RNF213: variants seen among roughly 807,000 people sequenced by gnomAD.
RNF213 encodes E3 ubiquitin-protein ligase RNF213.
RNF213 carries 341 observed loss-of-function variants against 514.4 expected under a neutral mutation model. That is an observed-to-expected ratio of 0.66 (90% CI 0.61 to 0.73). The LOEUF (loss-of-function observed/expected upper bound fraction) is 0.73, where lower values mean the gene tolerates loss of function less well. Ranked by LOEUF, RNF213 falls within the 30% of genes least tolerant of loss-of-function variation. The pLI, the probability that RNF213 is intolerant of heterozygous loss-of-function variation, is 0.00. For missense variants in RNF213, 5,767 were observed against 6,615.6 expected, an observed-to-expected ratio of 0.87 and a Z score of 4.45; for synonymous variants, 2,655 against 2,658.2, an observed-to-expected ratio of 1.00 and a Z score of 0.04.
chr17:80,355,535 C>T lies in RNF213; in HGVS notation c.10862+959C>T, dbSNP rs74703406. Among the ~76,000 whole-genome samples, 78 of 38,760 alleles carry T rather than the reference C, an allele frequency of 2.0e-3. 1 individual carries two copies. The highest frequency in any genetic ancestry group is 3.0e-3 in the Non-Finnish European group (55 of 18,550). The allele number at this position is 38,760 out of a possible 152,430, so 25.4% of individuals were successfully genotyped here. The stretch of plus-strand genomic sequence containing the variant: ...AATGGGGGCTTACAGGGGGAAGAAG[C>T]GGGGTGGACGGGAATGGGGGCTTAT... On this transcript the variant is annotated intron_variant, in intron 36 of 67. Coordinates refer to ENST00000582970, the MANE Select transcript of RNF213 (RefSeq NM_001256071.3).
chr17:80,306,233 C>G lies in RNF213; in HGVS notation c.2211-19C>G, dbSNP rs1243879573. On this transcript the variant is annotated intron_variant, in intron 11 of 67. Coordinates refer to ENST00000582970, the MANE Select transcript of RNF213 (RefSeq NM_001256071.3). ...ATCTCACTGCGTCTCTTTTCTCCGT[C>G]CCTATTTCTCTTATGCAGGAGTTCC... The G allele has an allele frequency of 6.2e-7, 1 of 1,611,008 alleles. No individual in the cohort carries two copies.
rs1599232085 is a variant in RNF213, at chr17:80,393,793, A to C, written c.*295A>C. On this transcript the variant is annotated 3_prime_UTR_variant, in exon 68 of 68. Coordinates refer to ENST00000582970, the MANE Select transcript of RNF213 (RefSeq NM_001256071.3). ...TTGGAAATAAACCAACATTGTTTAC[A>C]TTCCAGGAGACTTGTAGCTCAGCCA... 1 of 387,426 alleles carries C rather than the reference A, an allele frequency of 2.6e-6. No individual in the cohort carries two copies. Among genetic ancestry groups the C allele is most frequent in the Non-Finnish European group, 4.9e-6 (1 of 203,568 alleles). 24.0% of individuals were successfully genotyped at this position (387,426 alleles called of 1,614,324 possible).
intron 3 of RNF213, among the ~76,000 whole-genome samples, chr17:80,282,408 T>C (rs2044333667): frequency 6.6e-6 from 1 of 152,112 alleles, no homozygotes; most frequent in Non-Finnish European, 1.5e-5. Context: ...ATTATTGTTA[T>C]TATTTTTTGA....
chr17:80,389,335 C>A lies in RNF213; in HGVS notation c.15163C>A (p.Gln5055Lys), dbSNP rs2080368012. The A allele has an allele frequency of 2.5e-6, 4 of 1,614,180 alleles. No individual in the cohort carries two copies. The highest frequency in any genetic ancestry group is 3.4e-6 in the Non-Finnish European group (4 of 1,180,028). ...GAATGTGTATACTCAAGACATCCTG[C>A]AAATGGGTGATCAGACGATTCACGT... ...QLNVYTQDIL[Q>K]MGDQTIHVLK... is the part of the protein sequence containing the mutation. Residue 5055 changes from glutamine (Q) to lysine (K), a missense_variant, in exon 65 of 68, where the codon CAA becomes AAA. Gln to Lys is a moderately conservative substitution (Grantham distance 53). Coordinates refer to ENST00000582970, the MANE Select transcript of RNF213 (RefSeq NM_001256071.3).
intron 37 of RNF213, 60 bp from the exon 38 acceptor site, chr17:80,360,001 T>C (rs769733795): frequency 1.4e-5 from 22 of 1,577,402 alleles, no homozygotes; most frequent in Non-Finnish European, 1.9e-5. Flanking sequence ...GCAGATCTTA[T>C]CTTGTGTTTT....
Position 80,386,341 on chromosome 17 carries a change from C to T in RNF213, c.14631C>T (p.Gly4877=), listed in dbSNP as rs2080234372. 1 of 1,613,988 alleles carries T rather than the reference C, an allele frequency of 6.2e-7. No individual in the cohort carries two copies. Among genetic ancestry groups the T allele is most frequent in the Non-Finnish European group, 8.5e-7 (1 of 1,180,006 alleles). The change falls in exon 62 of 68, where the codon GGC becomes GGT. Residue 4877 remains glycine, a synonymous_variant. Transcript: ENST00000582970. The stretch of plus-strand genomic sequence containing the variant: ...TCTTGCCACGCCGACGGGGCCTGGG[C>T]CTCTGTGCTACCGCTCTCGTCAGCT... ...EILLPRRRGL[G]LCATALVSYL...
chr17:80,270,613 C>T (rs1015566693), intron 2 of RNF213, among the ~76,000 whole-genome samples: 4 of 152,162 alleles, frequency 2.6e-5, no homozygotes, highest in Admixed American at 6.5e-5. Flanking sequence ...GTAGGCATGG[C>T]AGGCATCTCT....
chr17:80,262,321 T>G (rs1340088562), intron 1 of RNF213, among the ~76,000 whole-genome samples: 1 of 152,138 alleles, frequency 6.6e-6, no homozygotes, highest in Non-Finnish European at 1.5e-5. Flanking sequence ...GGGATGCAAA[T>G]TGTCCCATAC....
chr17:80,363,806 C>T lies in RNF213; in HGVS notation c.11750+16C>T. 6.2e-7 allele frequency: 1 copy of T among 1,611,092 alleles called. No individual in the cohort carries two copies. The highest frequency in any genetic ancestry group is 8.5e-7 in the Non-Finnish European group (1 of 1,179,172). On this transcript the variant is annotated intron_variant, in intron 41 of 67. Coordinates refer to ENST00000582970, the MANE Select transcript of RNF213 (RefSeq NM_001256071.3). ...GGGAAGTCAGGTGAGACCCAGGAGC[C>T]CTCACCCACTGCTTCATCTGGCGCG...
rs2045980944 is a variant in RNF213, at chr17:80,317,319, A to G, written c.2901+42A>G. On this transcript the variant is annotated intron_variant, in intron 16 of 67. Transcript: ENST00000582970. This position sits in a 1 kb window ranked among gnomAD's most constrained non-coding sequence, Gnocchi z 4.1. ...GGCAGTCTTTTCAGGGCGTGAAGGC[A>G]AGCTGGAGAACCCCAGACCATTAGC... The G allele has an allele frequency of 9.5e-6, 15 of 1,573,796 alleles. No homozygotes were observed. The highest frequency in any genetic ancestry group is 1.3e-5 in the Non-Finnish European group (15 of 1,151,762).
chr17:80,365,049 T>C (rs2079206088), intron 42 of RNF213: 1 of 208,352 alleles, frequency 4.8e-6, no homozygotes, highest in Non-Finnish European at 1.0e-5. Context: ...AAGCTACTAA[T>C]GTGGGGTGGT....
intron 13 of RNF213, among the ~76,000 whole-genome samples, chr17:80,307,854 G>GTTT (rs59352873): frequency 9.9e-5 from 13 of 130,696 alleles, no homozygotes; most frequent in Admixed American, 1.6e-4. Flanking sequence ...CTGGCCGTCT[G>GTTT]TTTTTTTTTT....
chr17:80,265,698 G>A (rs1240043875), intron 2 of RNF213, among the ~76,000 whole-genome samples: 2 of 152,138 alleles, frequency 1.3e-5, no homozygotes, highest in Admixed American at 6.5e-5. Context: ...GTAGAAAATC[G>A]AGCACCAGCT....
chr17:80,355,505 C>A (rs76868615), intron 36 of RNF213, among the ~76,000 whole-genome samples: 197 of 9,066 alleles, frequency 0.022, 1 homozygote, highest in South Asian at 0.034. Context: ...AGCGGGGTGA[C>A]CGGGAATGGG....
At chr17:80,292,917 G>T (rs1246832701) in intron 8 of RNF213, among the ~76,000 whole-genome samples, 3 of 152,046 alleles carry the variant, frequency 2.0e-5, no homozygotes, top group African/African-American at 7.2e-5. Context: ...GGAAACAGTT[G>T]TTTTACTGTT....
At chr17:80,297,829 G>A (rs1353181793) in intron 10 of RNF213, among the ~76,000 whole-genome samples, 1 of 150,856 alleles carries the variant, frequency 6.6e-6, no homozygotes, top group Non-Finnish European at 1.5e-5. Flanking sequence ...GTGTGGTGGT[G>A]CACCTGTAAT....
chr17:80,275,076 G>T (rs556315588), intron 3 of RNF213, among the ~76,000 whole-genome samples: 1 of 140,456 alleles, frequency 7.1e-6, no homozygotes, highest in Non-Finnish European at 1.6e-5. Flanking sequence ...GGGGGTGTGT[G>T]AGTGGGGTGT....
chr17:80,289,688 G>A lies in RNF213; in HGVS notation c.963G>A (p.Met321Ile), dbSNP rs1312274299. The change falls in exon 6 of 68, where the codon ATG becomes ATA. Residue 321 changes from methionine (M) to isoleucine (I), a missense_variant. Transcript: ENST00000582970. ...CTGAGACCAAGACCAAGGACGAGATGGCTGCTGCTGAAGAAAAAGTCGGTA... is the reference window on the plus strand; with the variant it reads ...CTGAGACCAAGACCAAGGACGAGATAGCTGCTGCTGAAGAAAAAGTCGGTA... ...QEAETKTKDE[M>I]AAAEEKVGKN... 14 of 1,613,858 alleles carry A rather than the reference G, an allele frequency of 8.7e-6. No homozygotes were observed. The highest frequency in any genetic ancestry group is 1.1e-5 in the Non-Finnish European group (13 of 1,179,946).
chr17:80,376,568 G>T, intron 52 of RNF213, 25 bp downstream of exon 52: 1 of 1,613,614 alleles, frequency 6.2e-7, no homozygotes, highest in Non-Finnish European at 8.5e-7. Flanking sequence ...CAATTCCATC[G>T]GCCTTCACTG....
Sources: gnomAD v4.1 joint callset for allele counts (sites outside exome capture counted in the v4.1 genomes callset) on GRCh38, gnomAD v4.1.1 for gene constraint, Gnocchi (gnomAD v3.1) non-coding constraint, MANE v1.5 for transcripts, NCBI Gene and HGNC (gene_info 2026-07-23, HGNC 2026-07-21) for gene names.